The following RSL1D1 variants were observed in gnomAD, a reference collection of about 807,000 sequenced individuals.
RSL1D1 encodes the protein ribosomal L1 domain containing 1, also known as ribosomal L1 domain-containing protein 1.
Under a neutral mutation model 44.6 loss-of-function variants are expected in RSL1D1, and 34 were observed. The observed-to-expected ratio is 0.76, with a 90% CI of 0.58 to 1.02. The LOEUF (loss-of-function observed/expected upper bound fraction) is 1.02, where lower values mean the gene tolerates loss of function less well. Ranked by LOEUF, RSL1D1 falls within the 50% of genes least tolerant of loss-of-function variation. The probability of loss-of-function intolerance (pLI) is 0.00; values close to 1 mark genes in which losing one functional copy is unlikely to be tolerated. For missense variants in RSL1D1, 767 were observed against 568.1 expected (o/e 1.35, Z -3.56); for synonymous variants, 271 against 207.4 (o/e 1.31, Z -2.63).
chr16:11,835,656 G>C lies in RSL1D1; in HGVS notation c.*2131C>G, dbSNP rs998189886. ...CCACAGGCATGTTCCACCACACCCA[G>C]CTTATTTTTGGTAAAGATGGGGTTT... On this transcript the variant is annotated 3_prime_UTR_variant, in exon 9 of 9. Transcript: ENST00000571133. 2.0e-5 allele frequency: 3 copies of C among 152,124 alleles called. No homozygotes were observed. Among genetic ancestry groups the C allele is most frequent in the Non-Finnish European group, 4.4e-5 (3 of 68,064 alleles). The allele number at this position is 152,124 out of a possible 1,614,324, so 9.4% of individuals were successfully genotyped here.
Position 11,837,629 on chromosome 16 carries a change from C to T in RSL1D1, c.*158G>A, listed in dbSNP as rs989949643. The T allele has an allele frequency of 1.5e-4, 98 of 656,172 alleles. No homozygotes were observed. In the Middle Eastern group the frequency reaches 2.1e-3, roughly 14 times the overall value. The allele number at this position is 656,172 out of a possible 1,614,324, so 40.6% of individuals were successfully genotyped here. On this transcript the variant is annotated 3_prime_UTR_variant, in exon 9 of 9. Coordinates refer to ENST00000571133, the MANE Select transcript of RSL1D1 (RefSeq NM_015659.3). The stretch of plus-strand genomic sequence containing the variant: ...CCTCCCAAAGTGCTGGGATTACAGG[C>T]GTGAGCCACCGCCCCTGGACTACTT...
intron 5 of RSL1D1, 123 bp downstream of exon 5, chr16:11,846,378 G>C: frequency 1.7e-6 from 1 of 586,158 alleles, no homozygotes; most frequent in Non-Finnish European, 2.9e-6. Flanking sequence ...CTGGCAGACA[G>C]AGTAAGACTC....
At chr16:11,851,144 G>A (rs2053834497) in intron 1 of RSL1D1, 1 of 528,474 alleles carries the variant, frequency 1.9e-6, no homozygotes, top group Admixed American at 3.2e-5. Context: ...TGATAGGGAA[G>A]CTAAGCCAGG....
At chr16:11,850,815 G>A (rs1267916559) in intron 1 of RSL1D1, among the ~76,000 whole-genome samples, 1 of 152,152 alleles carries the variant, frequency 6.6e-6, no homozygotes, top group African/African-American at 2.4e-5. Context: ...TCAGCTTCCC[G>A]AGTAGCTGAG....
At position 11,847,795 on chromosome 16, in the gene RSL1D1, T is replaced by C. The variant is rs1316820403; in HGVS notation, c.257A>G (p.His86Arg). ...ATCTTCTGAATCTGATCGAATACTA[T>C]GAGGCAAGGTCCTACAAAATACGTG... ...KELRVRLTLPHSIRSDSEDIC... is the reference protein window; with the variant it reads ...KELRVRLTLPRSIRSDSEDIC... Residue 86 changes from histidine to arginine, a missense_variant, in exon 3 of 9, where the codon CAT becomes CGT. Transcript: ENST00000571133. 2.5e-6 allele frequency: 4 copies of C among 1,613,336 alleles called. No homozygotes were observed. Among genetic ancestry groups the C allele is most frequent in the Admixed American group, 3.3e-5 (2 of 59,806 alleles).
rs139740294 is a variant in RSL1D1 at position 11,846,698 on chromosome 16, T to C, written c.530A>G (p.Lys177Arg). 1.2e-5 allele frequency: 20 copies of C among 1,613,892 alleles called. No individual in the cohort carries two copies. Among genetic ancestry groups the C allele is most frequent in the Non-Finnish European group, 1.6e-5 (19 of 1,179,952 alleles). The change falls in exon 4 of 9, where the codon AAG becomes AGG. Residue 177 changes from lysine (K) to arginine (R), a missense_variant. By Grantham distance (26) the Lys-to-Arg change is conservative. Transcript: ENST00000571133. ...CAGTCATTACTAAGAAACTTACTTC[T>C]TTCTTTGATAGAAATGTCTCCCAAT... ...SLIGRHFYQR[K>R]KVPVSVNLLS...
At chr16:11,843,072 C>T (rs1250810872) in intron 5 of RSL1D1, among the ~76,000 whole-genome samples, 2 of 151,624 alleles carry the variant, frequency 1.3e-5, no homozygotes, top group Non-Finnish European at 2.9e-5. Flanking sequence ...CAGGAATGCG[C>T]CACCACGCCC....
chr16:11,843,455 C>G (rs1049131971), intron 5 of RSL1D1, among the ~76,000 whole-genome samples: 2 of 152,026 alleles, frequency 1.3e-5, no homozygotes, highest in Admixed American at 1.3e-4. Flanking sequence ...CTACCTTTAT[C>G]TTAGACAACC....
intron 2 of RSL1D1, 117 bp from the exon 3 acceptor site, chr16:11,847,923 G>C (rs2053811046): frequency 1.9e-5 from 20 of 1,068,052 alleles, no homozygotes; most frequent in Non-Finnish European, 6.9e-6. Flanking sequence ...AGTCATGCTA[G>C]TTAAGCAAAT....
Position 11,836,497 on chromosome 16 carries a change from T to A in RSL1D1, c.*1290A>T, listed in dbSNP as rs2053720070. On this transcript the variant is annotated 3_prime_UTR_variant, in exon 9 of 9. Coordinates refer to ENST00000571133, the MANE Select transcript of RSL1D1 (RefSeq NM_015659.3). ...AAAGGCCACGTACCTAAAAAGGTGT[T>A]TACTGCCTCAGAATATACTTGACAA... The A allele has an allele frequency of 6.6e-6, 1 of 152,230 alleles. No individual in the cohort carries two copies. The highest frequency in any genetic ancestry group is 2.4e-5 in the African/African-American group (1 of 41,462). 9.4% of individuals were successfully genotyped at this position (152,230 alleles called of 1,614,324 possible). A position where few individuals can be genotyped will look rare whatever the true frequency, so the allele number is the denominator to read the frequency against.
In RSL1D1 at chr16:11,837,605, C is replaced by T; in HGVS notation, c.*182G>A. On this transcript the variant is annotated 3_prime_UTR_variant, in exon 9 of 9. Coordinates refer to ENST00000571133, the MANE Select transcript of RSL1D1 (RefSeq NM_015659.3). ...GACCTTGTGATCCGCCTGCCTCGGC[C>T]TCCCAAAGTGCTGGGATTACAGGCG... 4 of 565,604 alleles carry T rather than the reference C, an allele frequency of 7.1e-6. No homozygotes were observed. The South Asian group carries it at 7.6e-5, about 11-fold the overall frequency. The allele number at this position is 565,604 out of a possible 1,614,324, so 35.0% of individuals were successfully genotyped here.
At chr16:11,843,530 C>G (rs2053777259) in intron 5 of RSL1D1, among the ~76,000 whole-genome samples, 2 of 151,992 alleles carry the variant, frequency 1.3e-5, no homozygotes, top group South Asian at 4.2e-4. Flanking sequence ...GTCACCTGCT[C>G]TCTCTATAGT....
intron 5 of RSL1D1, among the ~76,000 whole-genome samples, chr16:11,843,180 C>T (rs2053774852): frequency 1.3e-5 from 2 of 151,410 alleles, no homozygotes; most frequent in Admixed American, 6.6e-5. Context: ...GGTGATCCGC[C>T]TGCCTCGGCC....
intron 7 of RSL1D1, 36 bp downstream of exon 7, chr16:11,841,659 A>G: frequency 6.3e-7 from 1 of 1,580,840 alleles, no homozygotes; most frequent in Non-Finnish European, 8.6e-7. Flanking sequence ...TACACCCTTC[A>G]TTATTCATTC....
chr16:11,846,712 A>G lies in RSL1D1; in HGVS notation c.516T>C (p.His172=), dbSNP rs1479730495. 7.4e-6 allele frequency: 12 copies of G among 1,613,946 alleles called. No individual in the cohort carries two copies. Among genetic ancestry groups the G allele is most frequent in the Non-Finnish European group, 1.0e-5 (12 of 1,179,958 alleles). Residue 172 remains histidine (H), a synonymous_variant, in exon 4 of 9, where the codon CAT becomes CAC. Coordinates refer to ENST00000571133, the MANE Select transcript of RSL1D1 (RefSeq NM_015659.3). ...RRLLPSLIGR[H]FYQRKKVPVS... The stretch of plus-strand genomic sequence containing the variant: ...AAACTTACTTCTTTCTTTGATAGAA[A>G]TGTCTCCCAATGAGTGAGGGTAAGA...
Position 11,834,475 on chromosome 16 carries a change from G to C in RSL1D1, c.*3312C>G, listed in dbSNP as rs1356646069. On this transcript the variant is annotated 3_prime_UTR_variant, in exon 9 of 9. Transcript: ENST00000571133. Reference sequence around the variant, plus strand: ...TCATGTTCAACAAGACTGAACTACGGAGCAAAGAATCACACAGTGTTGCAA... The same window carrying C: ...TCATGTTCAACAAGACTGAACTACGCAGCAAAGAATCACACAGTGTTGCAA... 2 of 152,178 alleles carry C rather than the reference G, an allele frequency of 1.3e-5. No individual in the cohort carries two copies. Among genetic ancestry groups the C allele is most frequent in the African/African-American group, 4.8e-5 (2 of 41,438 alleles). The allele number at this position is 152,178 out of a possible 1,614,324, so 9.4% of individuals were successfully genotyped here.
At chr16:11,850,650 T>C (rs1408619953) in intron 1 of RSL1D1, among the ~76,000 whole-genome samples, 1 of 152,154 alleles carries the variant, frequency 6.6e-6, no homozygotes, top group East Asian at 1.9e-4. Context: ...CCACTTCCAG[T>C]ACTGTGTGCA....
chr16:11,850,237 A>G, intron 2 of RSL1D1, 42 bp downstream of exon 2: 3 of 1,534,290 alleles, frequency 2.0e-6, no homozygotes, highest in Non-Finnish European at 2.6e-6. Context: ...CAAAGAATAA[A>G]CACACAGATA....
chr16:11,847,857 G>GC (rs773370505), intron 2 of RSL1D1, 51 bp from the exon 3 acceptor site: 1 of 1,549,278 alleles, frequency 6.5e-7, no homozygotes. Context: ...CACACATTAT[G>GC]CATGTTTGTA....
Sources: gnomAD v4.1 joint callset for allele counts (sites outside exome capture counted in the v4.1 genomes callset) on GRCh38, gnomAD v4.1.1 for gene constraint, MANE v1.5 for transcripts, NCBI Gene and HGNC (gene_info 2026-07-23, HGNC 2026-07-21) for gene names.